The following PICALM variants were observed in gnomAD, a reference collection of about 807,000 sequenced individuals.
PICALM encodes the protein phosphatidylinositol-binding clathrin assembly protein.
A neutral mutation model predicts 80.5 loss-of-function variants in PICALM; 40 were observed. The observed-to-expected ratio is 0.50, with a 90% CI of 0.39 to 0.65. The LOEUF is 0.65. Among genes scored for constraint, PICALM ranks in the 30% least tolerant of loss-of-function variants. The pLI, the probability that PICALM is intolerant of heterozygous loss-of-function variation, is 0.00. For missense variants in PICALM, 676 were observed against 778.9 expected (o/e 0.87, Z 1.57); for synonymous variants, 288 against 260.3 (o/e 1.11, Z -1.02).
chr11:85,962,443 G>A (rs1022240986), intron 19 of PICALM, among the ~76,000 whole-genome samples: 6 of 152,136 alleles, frequency 3.9e-5, no homozygotes, highest in Admixed American at 3.3e-4. Context: ...GCCCCACACC[G>A]AAATACCTTC....
chr11:85,992,601 T>A (rs1031433061), intron 12 of PICALM, among the ~76,000 whole-genome samples: 7 of 152,198 alleles, frequency 4.6e-5, no homozygotes, highest in Admixed American at 4.6e-4. Context: ...GTTCTGTTTT[T>A]AAATACATGA....
chr11:85,975,016 T>G (rs1231468555), intron 18 of PICALM, among the ~76,000 whole-genome samples: 1 of 152,196 alleles, frequency 6.6e-6, no homozygotes, highest in Non-Finnish European at 1.5e-5. Context: ...TTTAACATGC[T>G]CATTTTTAAA....
intron 11 of PICALM, 49 bp downstream of exon 11, chr11:86,000,594 A>C: frequency 6.7e-7 from 1 of 1,493,408 alleles, no homozygotes; most frequent in Non-Finnish European, 9.1e-7. Flanking sequence ...TTTCTATTAG[A>C]AGTCTTTGAA....
chr11:85,971,311 T>A (rs748567596), intron 19 of PICALM, among the ~76,000 whole-genome samples: 3 of 152,224 alleles, frequency 2.0e-5, no homozygotes, highest in Non-Finnish European at 4.4e-5. Context: ...TCTTCTGATA[T>A]AAAGTAATTA....
intron 17 of PICALM, chr11:85,978,083 T>C: frequency 6.2e-7 from 1 of 1,613,134 alleles, no homozygotes; most frequent in Non-Finnish European, 8.5e-7. Context: ...TTGTGGAAAA[T>C]GCATGCCATT....
intron 1 of PICALM, among the ~76,000 whole-genome samples, chr11:86,035,261 T>C (rs755349825): frequency 2.0e-5 from 3 of 152,158 alleles, no homozygotes; most frequent in Non-Finnish European, 2.9e-5. Context: ...CTTCAGCCTA[T>C]ATAGATTTCC....
At chr11:85,991,784 A>G (rs1192894900) in intron 12 of PICALM, among the ~76,000 whole-genome samples, 1 of 152,222 alleles carries the variant, frequency 6.6e-6, no homozygotes, top group East Asian at 1.9e-4. Flanking sequence ...GAATCAGAAA[A>G]CAGTAATTCA....
chr11:86,004,256 T>C (rs1035430399), intron 8 of PICALM, among the ~76,000 whole-genome samples: 4 of 152,190 alleles, frequency 2.6e-5, no homozygotes, highest in Non-Finnish European at 5.9e-5. Context: ...TAATTAATGG[T>C]ATATTCAACA....
intron 1 of PICALM, among the ~76,000 whole-genome samples, chr11:86,034,909 T>G (rs1386544647): frequency 6.6e-6 from 1 of 152,200 alleles, no homozygotes; most frequent in Non-Finnish European, 1.5e-5. Context: ...AAAGCTGATG[T>G]TAACTGTATT....
chr11:86,025,689 G>C (rs1267023936), intron 3 of PICALM, among the ~76,000 whole-genome samples: 1 of 151,882 alleles, frequency 6.6e-6, no homozygotes, highest in Non-Finnish European at 1.5e-5. Flanking sequence ...CTCCTGAGTA[G>C]CTGGGATTAC....
At chr11:85,975,930 A>G (rs1378299284) in intron 18 of PICALM, among the ~76,000 whole-genome samples, 1 of 152,142 alleles carries the variant, frequency 6.6e-6, no homozygotes, top group Non-Finnish European at 1.5e-5. Flanking sequence ...ACTATGAAAA[A>G]AAGCTGTGAA....
chr11:86,048,312 G>T (rs1002517497), intron 1 of PICALM, among the ~76,000 whole-genome samples: 2 of 152,132 alleles, frequency 1.3e-5, no homozygotes, highest in Admixed American at 1.3e-4. Flanking sequence ...AGTGTTTCTA[G>T]GTTAGGCTAC....
At chr11:85,968,264 C>A (rs907217917) in intron 19 of PICALM, among the ~76,000 whole-genome samples, 2 of 151,590 alleles carry the variant, frequency 1.3e-5, no homozygotes, top group Admixed American at 6.6e-5. Context: ...GCACTCCAGC[C>A]TGGGGGACAG....
rs190387670 is a variant in PICALM, at chr11:85,964,073, T to G, written c.1945-5013A>C. The stretch of plus-strand genomic sequence containing the variant: ...ACTATCATAAAATAAAAATGGTTAC[T>G]CCTTCATTATACTCCTGTTAACATC... On this transcript the variant is annotated intron_variant, in intron 19 of 19. Transcript: ENST00000393346. Among the ~76,000 whole-genome samples the G allele has an allele frequency of 3.8e-3, 582 of 152,198 alleles. 1 individual carries two copies. Among genetic ancestry groups the G allele is most frequent in the African/African-American group, 0.012 (492 of 41,518 alleles).
intron 19 of PICALM, among the ~76,000 whole-genome samples, chr11:85,965,608 C>G: frequency 6.6e-6 from 1 of 151,960 alleles, no homozygotes. Context: ...CTCAGCTTCC[C>G]CTGTGAGATA....
rs758162571 is a variant in PICALM, at chr11:86,022,480, AC to A, written c.350-12del. ...TAGACATGTCATATCCTGTAAAAAAACAAAAACAAAAACAAAACAAAGAGAG... is the reference window on the plus strand; with the variant it reads ...TAGACATGTCATATCCTGTAAAAAAAAAAAACAAAAACAAAACAAAGAGAG... On this transcript the variant is annotated splice_polypyrimidine_tract_variant and intron_variant, in intron 3 of 19. Coordinates refer to ENST00000393346, the MANE Select transcript of PICALM (RefSeq NM_007166.4). 151 of 1,300,978 alleles carry A rather than the reference AC, an allele frequency of 1.2e-4. No homozygotes were observed. Among genetic ancestry groups the A allele is most frequent in the African/African-American group, 4.4e-4 (29 of 65,600 alleles). 80.6% of individuals were successfully genotyped at this position (1,300,978 alleles called of 1,614,324 possible). A position where few individuals can be genotyped will look rare whatever the true frequency, so the allele number is the denominator to read the frequency against.
chr11:86,013,116 G>T (rs2095426026), intron 5 of PICALM, among the ~76,000 whole-genome samples: 1 of 152,012 alleles, frequency 6.6e-6, no homozygotes, highest in Non-Finnish European at 1.5e-5. Flanking sequence ...AGACCAGCCT[G>T]GGCAACACAG....
At position 86,059,870 on chromosome 11, in the gene PICALM, TA is replaced by T. The variant is rs58190208; in HGVS notation, c.130+8780del. Among the ~76,000 whole-genome samples, 1,226 of 138,504 alleles carry T rather than the reference TA, an allele frequency of 8.9e-3. 23 individuals carry two copies. The East Asian group carries it at 0.094, about 11-fold the overall frequency. 90.9% of individuals were successfully genotyped at this position (138,504 alleles called of 152,430 possible). A position where few individuals can be genotyped will look rare whatever the true frequency, so the allele number is the denominator to read the frequency against. On this transcript the variant is annotated intron_variant, in intron 1 of 19. Transcript: ENST00000393346. ...TTCACAAAAAAGGATAGTTTTGACATAAAAAAAAAAAAGAGAGAGGACAAAT... is the reference window on the plus strand; with the variant it reads ...TTCACAAAAAAGGATAGTTTTGACATAAAAAAAAAAAGAGAGAGGACAAAT...
rs1386788579 is a variant in PICALM at position 86,026,477 on chromosome 11, TA to T, written c.274-111del. The T allele has an allele frequency of 1.4e-5, 9 of 626,984 alleles. No individual in the cohort carries two copies. In the Admixed American group the frequency reaches 1.9e-4, roughly 13 times the overall value. 38.8% of individuals were successfully genotyped at this position (626,984 alleles called of 1,614,324 possible). On this transcript the variant is annotated intron_variant, in intron 2 of 19. Coordinates refer to ENST00000393346, the MANE Select transcript of PICALM (RefSeq NM_007166.4). ...CACATTCTATTAAGCTTATCTAGTT[TA>T]AATTTCTCATCCTCACTCTTTCCAT...
Sources: gnomAD v4.1 joint callset for allele counts (sites outside exome capture counted in the v4.1 genomes callset) on GRCh38, gnomAD v4.1.1 for gene constraint, MANE v1.5 for transcripts, NCBI Gene and HGNC (gene_info 2026-07-23, HGNC 2026-07-21) for gene names.